Variants in RBFOX1 observed in about 807,000 individuals in gnomAD.
RBFOX1 encodes RNA binding protein fox-1 homolog 1.
A neutral mutation model predicts 57.7 loss-of-function variants in RBFOX1; 8 were observed. The observed-to-expected ratio is 0.14, with a 90% CI of 0.08 to 0.25. The LOEUF (loss-of-function observed/expected upper bound fraction) is 0.25, where lower values mean the gene tolerates loss of function less well. Among genes scored for constraint, RBFOX1 ranks in the 10% least tolerant of loss-of-function variants. RBFOX1 has a pLI of 1.00. For missense variants in RBFOX1, 611 were observed against 548.5 expected, an observed-to-expected ratio of 1.11 and a Z score of -1.14; for synonymous variants, 326 against 222.4, an observed-to-expected ratio of 1.47 and a Z score of -4.15.
intron 3 of RBFOX1, among the ~76,000 whole-genome samples, chr16:6,902,155 C>T (rs4786127): frequency 9.9e-5 from 15 of 151,864 alleles, no homozygotes; most frequent in African/African-American, 3.6e-4. Flanking sequence ...TGGTGCTTTT[C>T]GTACCTGGGA....
intron 2 of RBFOX1, among the ~76,000 whole-genome samples, chr16:6,352,938 G>A (rs2086662418): frequency 6.6e-6 from 1 of 152,288 alleles, no homozygotes; most frequent in African/African-American, 2.4e-5. Context: ...AAGCGGGAGA[G>A]TGGTTCATTT....
At chr16:7,025,538 C>A (rs1330578686) in intron 3 of RBFOX1, among the ~76,000 whole-genome samples, 1 of 152,186 alleles carries the variant, frequency 6.6e-6, no homozygotes, top group Non-Finnish European at 1.5e-5. Flanking sequence ...TCAAACACCT[C>A]TGACAAAACC....
At chr16:5,703,697 G>A (rs1283564022) in intron 3 of RBFOX1, among the ~76,000 whole-genome samples, 2 of 152,112 alleles carry the variant, frequency 1.3e-5, no homozygotes, top group South Asian at 2.1e-4. Flanking sequence ...CGTTAAATGG[G>A]GATAATGTCT....
At chr16:6,673,180 G>C (rs1239299283) in intron 3 of RBFOX1, among the ~76,000 whole-genome samples, 1 of 152,090 alleles carries the variant, frequency 6.6e-6, no homozygotes, top group Non-Finnish European at 1.5e-5. Context: ...ATCATTTTAT[G>C]GTCTCCATGC....
intron 1 of RBFOX1, among the ~76,000 whole-genome samples, chr16:5,339,425 T>C (rs1259570723): frequency 6.8e-6 from 1 of 147,322 alleles, no homozygotes; most frequent in African/African-American, 2.5e-5. Flanking sequence ...TGGTTTATGG[T>C]GAAGAATTTA....
At position 7,052,231 on chromosome 16, in the gene RBFOX1, T is replaced by TA. The variant is rs2050329035; in HGVS notation, c.27+134dup. The TA allele has an allele frequency of 8.2e-6, 11 of 1,348,630 alleles. No homozygotes were observed. In the East Asian group the frequency reaches 2.5e-4, roughly 31 times the overall value. The allele number at this position is 1,348,630 out of a possible 1,614,324, so 83.5% of individuals were successfully genotyped here. ...TAAGACTGGTAGAGTTGAAAATATT[T>TA]ATCCCAGCTTATTTAGTATTGATTG... On this transcript the variant is annotated intron_variant, in intron 4 of 15. Transcript: ENST00000550418.
Position 6,110,537 on chromosome 16 carries a change from C to T in RBFOX1, c.-127+90545C>T, listed in dbSNP as rs192799706. Among the ~76,000 whole-genome samples the T allele has an allele frequency of 1.2e-4, 19 of 152,138 alleles. 2 individuals carry two copies. Among genetic ancestry groups the T allele is most frequent in the African/African-American group, 2.9e-4 (12 of 41,516 alleles). ...TTAATGGCAGATTAAAACAACTACC[C>T]GCTGGGCTGTTTCAAAAAACAAAAC... On this transcript the variant is annotated intron_variant, in intron 1 of 15. Coordinates refer to ENST00000550418, the MANE Select transcript of RBFOX1 (RefSeq NM_018723.4).
At chr16:6,406,413 G>C (rs945423650) in intron 2 of RBFOX1, among the ~76,000 whole-genome samples, 7 of 152,084 alleles carry the variant, frequency 4.6e-5, no homozygotes, top group Non-Finnish European at 8.8e-5. Flanking sequence ...ATAAAACTTA[G>C]ACAAATATGG....
chr16:5,245,522 G>C (rs1434249512), intron 1 of RBFOX1, among the ~76,000 whole-genome samples: 2 of 152,162 alleles, frequency 1.3e-5, no homozygotes, highest in East Asian at 3.9e-4. Context: ...CTCTAAGCCT[G>C]GGGAACCCAC....
At chr16:6,092,609 C>T (rs1177647566) in intron 1 of RBFOX1, 1 of 152,166 alleles carries the variant, frequency 6.6e-6, no homozygotes, top group Non-Finnish European at 1.5e-5. Flanking sequence ...CTGCATATGG[C>T]TAGTCAGTTA....
intron 2 of RBFOX1, among the ~76,000 whole-genome samples, chr16:6,625,765 A>T (rs1489828447): frequency 6.6e-6 from 1 of 152,024 alleles, no homozygotes; most frequent in Non-Finnish European, 1.5e-5. Flanking sequence ...TTACATTTGC[A>T]AGTGCATTAA....
intron 1 of RBFOX1, among the ~76,000 whole-genome samples, chr16:6,244,246 G>A (rs2097556611): frequency 6.6e-6 from 1 of 150,926 alleles, no homozygotes; most frequent in African/African-American, 2.4e-5. Context: ...CAGCAAAAAT[G>A]TTAGTGGCAT....
intron 1 of RBFOX1, among the ~76,000 whole-genome samples, chr16:5,316,045 G>A (rs988905085): frequency 1.3e-5 from 2 of 152,046 alleles, no homozygotes; most frequent in Non-Finnish European, 2.9e-5. Flanking sequence ...TCCTCTCCTT[G>A]CTGTCTCTGC....
At chr16:6,069,416 A>AG (rs2095808248) in intron 1 of RBFOX1, among the ~76,000 whole-genome samples, 2 of 139,722 alleles carry the variant, frequency 1.4e-5, no homozygotes, top group Non-Finnish European at 3.2e-5. Flanking sequence ...AAAAAAAAAA[A>AG]GGGAGGGGAT....
chr16:7,294,784 A>G (rs1376184375), intron 4 of RBFOX1, among the ~76,000 whole-genome samples: 9 of 150,728 alleles, frequency 6.0e-5, no homozygotes, highest in Non-Finnish European at 1.3e-4. Context: ...TATGATGATG[A>G]TGATGATGAT....
chr16:6,835,701 C>G (rs567453815), intron 3 of RBFOX1, among the ~76,000 whole-genome samples: 1 of 133,676 alleles, frequency 7.5e-6, no homozygotes, highest in Admixed American at 8.5e-5. Context: ...TTGCAGTGAA[C>G]CAAGATTGAG....
intron 2 of RBFOX1, among the ~76,000 whole-genome samples, chr16:6,444,480 A>T (rs1201332241): frequency 6.6e-6 from 1 of 152,090 alleles, no homozygotes; most frequent in African/African-American, 2.4e-5. Context: ...AATAAGTCTC[A>T]TGAGATCTGA....
chr16:6,483,202 G>C, intron 2 of RBFOX1: 2 of 1,194,260 alleles, frequency 1.7e-6, no homozygotes, highest in South Asian at 5.6e-5. Context: ...CAGAGGCCGA[G>C]GCCGGCCGGG....
intron 5 of RBFOX1, among the ~76,000 whole-genome samples, chr16:7,571,722 G>A (rs943786606): frequency 2.0e-5 from 3 of 152,150 alleles, no homozygotes; most frequent in Non-Finnish European, 4.4e-5. Flanking sequence ...GCCAAGTGCC[G>A]CCTGGAAACC....
Sources: allele counts gnomAD v4.1 joint callset (sites outside exome capture counted in the v4.1 genomes callset), GRCh38; gene constraint gnomAD v4.1.1; transcripts MANE v1.5; gene names NCBI Gene and HGNC (gene_info 2026-07-23, HGNC 2026-07-21).